Variants in EXOC6B observed in about 807,000 individuals in gnomAD.
The protein encoded by EXOC6B is SEC15 homolog B.
In EXOC6B, 54 loss-of-function variants were observed where a neutral mutation model predicts 113.5. That is an observed-to-expected ratio of 0.48 (90% CI 0.38 to 0.60). The LOEUF (loss-of-function observed/expected upper bound fraction) is 0.60, where lower values mean the gene tolerates loss of function less well. EXOC6B is among the 20% of genes least tolerant of loss of function. The pLI is 0.00. For missense variants in EXOC6B, 797 were observed against 977.5 expected, an observed-to-expected ratio of 0.82 and a Z score of 2.46; for synonymous variants, 357 against 339.0, an observed-to-expected ratio of 1.05 and a Z score of -0.58.
chr2:72,313,009 C>G (rs543569787), intron 20 of EXOC6B, among the ~76,000 whole-genome samples: 1 of 152,078 alleles, frequency 6.6e-6, no homozygotes, highest in Admixed American at 6.5e-5. Flanking sequence ...TAAATTGATG[C>G]CGATTTCTCA....
At chr2:72,528,368 T>C (rs999090282) in intron 8 of EXOC6B, among the ~76,000 whole-genome samples, 1 of 152,116 alleles carries the variant, frequency 6.6e-6, no homozygotes, top group South Asian at 2.1e-4. Flanking sequence ...AATCTATTCC[T>C]GGGTTCTCTA....
chr2:72,571,701 T>G (rs1242015490), intron 7 of EXOC6B, among the ~76,000 whole-genome samples: 2 of 152,182 alleles, frequency 1.3e-5, no homozygotes, highest in South Asian at 4.1e-4. Flanking sequence ...GTTTTTTCAT[T>G]CAAAATGACA....
intron 20 of EXOC6B, among the ~76,000 whole-genome samples, chr2:72,273,246 G>T (rs6719255): frequency 6.6e-6 from 1 of 151,928 alleles, no homozygotes; most frequent in East Asian, 1.9e-4. Flanking sequence ...CATCTATCTC[G>T]TTGGAAATTA....
chr2:72,785,370 T>G (rs1459990496), intron 1 of EXOC6B, among the ~76,000 whole-genome samples: 2 of 152,254 alleles, frequency 1.3e-5, no homozygotes, highest in Non-Finnish European at 2.9e-5. Context: ...AGTGCCCCAG[T>G]AGGGACTCTG....
At chr2:72,358,333 C>T (rs950750564) in intron 19 of EXOC6B, among the ~76,000 whole-genome samples, 2 of 152,014 alleles carry the variant, frequency 1.3e-5, no homozygotes, top group African/African-American at 4.8e-5. Flanking sequence ...CCTAGTCCAC[C>T]TTTCTCATTT....
At chr2:72,240,797 A>G (rs1039124848) in intron 20 of EXOC6B, among the ~76,000 whole-genome samples, 1 of 152,254 alleles carries the variant, frequency 6.6e-6, no homozygotes, top group Non-Finnish European at 1.5e-5. Context: ...CTATTCTAGC[A>G]TATAAGAGGC....
At chr2:72,517,976 T>C (rs62149336) in intron 8 of EXOC6B, among the ~76,000 whole-genome samples, 5,000 of 152,274 alleles carry the variant, frequency 0.033, 118 homozygotes, top group Non-Finnish European at 0.051. Flanking sequence ...TTTACAAAAA[T>C]GAGCTGGAGT....
chr2:72,460,576 A>G (rs1480379996), intron 18 of EXOC6B, among the ~76,000 whole-genome samples: 2 of 152,152 alleles, frequency 1.3e-5, no homozygotes, highest in Admixed American at 6.5e-5. Context: ...TCAAAAGAAG[A>G]CATTTATGCA....
At chr2:72,265,796 A>G (rs1684037970) in intron 20 of EXOC6B, among the ~76,000 whole-genome samples, 2 of 152,096 alleles carry the variant, frequency 1.3e-5, no homozygotes, top group South Asian at 2.1e-4. Context: ...GTCAAATGGT[A>G]TTTCTAGTTT....
intron 6 of EXOC6B, among the ~76,000 whole-genome samples, chr2:72,602,995 G>A (rs1050975437): frequency 1.3e-5 from 2 of 151,644 alleles, no homozygotes; most frequent in East Asian, 1.9e-4. Flanking sequence ...AGAGGAGGAT[G>A]AGAAGCAACA....
intron 6 of EXOC6B, among the ~76,000 whole-genome samples, chr2:72,597,665 A>C (rs2103976610): frequency 6.6e-6 from 1 of 151,984 alleles, no homozygotes; most frequent in East Asian, 1.9e-4. Context: ...GATAAAAAGA[A>C]AGACTCAGCT....
At chr2:72,662,702 G>A (rs1352173661) in intron 6 of EXOC6B, among the ~76,000 whole-genome samples, 1 of 151,954 alleles carries the variant, frequency 6.6e-6, no homozygotes, top group Non-Finnish European at 1.5e-5. Flanking sequence ...AGATATTGTT[G>A]GTGGAAATGC....
chr2:72,390,305 C>T (rs1477683184), intron 18 of EXOC6B, among the ~76,000 whole-genome samples: 1 of 151,900 alleles, frequency 6.6e-6, no homozygotes, highest in Non-Finnish European at 1.5e-5. Context: ...ATTTTATTAC[C>T]TTTAAATATT....
intron 19 of EXOC6B, among the ~76,000 whole-genome samples, chr2:72,369,624 A>G (rs1045588658): frequency 2.0e-5 from 3 of 152,222 alleles, no homozygotes; most frequent in Admixed American, 1.3e-4. Context: ...CTACAAGGCT[A>G]TAGTAACCAA....
intron 1 of EXOC6B, among the ~76,000 whole-genome samples, chr2:72,801,616 T>C (rs920190389): frequency 2.0e-5 from 3 of 152,170 alleles, no homozygotes; most frequent in African/African-American, 7.2e-5. Flanking sequence ...GTGCTTTCTG[T>C]AACATGAAAA....
rs530609328 is a variant in EXOC6B, at chr2:72,273,494, G to T, written c.2196+61453C>A. On this transcript the variant is annotated intron_variant, in intron 20 of 21. Transcript: ENST00000272427. ...ATGCTGCAACAAATCTTTGTGTAAG[G>T]TGTTCAAGAAGTATAGAGGGTGGGC... 3.9e-5 allele frequency among the ~76,000 whole-genome samples: 6 copies of T among 152,264 alleles called. No individual in the cohort carries two copies. In the South Asian group the frequency reaches 1.2e-3, roughly 32 times the overall value.
intron 20 of EXOC6B, among the ~76,000 whole-genome samples, chr2:72,192,293 C>CA (rs1194256081): frequency 6.6e-6 from 1 of 152,192 alleles, no homozygotes; most frequent in Non-Finnish European, 1.5e-5. Context: ...AGCAATGATA[C>CA]TGGCCAGATG....
chr2:72,723,772 C>A (rs1050580339), intron 5 of EXOC6B, among the ~76,000 whole-genome samples: 2 of 149,036 alleles, frequency 1.3e-5, no homozygotes, highest in Non-Finnish European at 3.0e-5. Context: ...CTTCTAGCTA[C>A]GAAAGCCTAA....
chr2:72,727,111 A>G (rs1314837565), intron 5 of EXOC6B, among the ~76,000 whole-genome samples: 1 of 152,190 alleles, frequency 6.6e-6, no homozygotes. Flanking sequence ...GAAAAATTGT[A>G]AAACAAAGAG....
Sources: allele counts gnomAD v4.1 joint callset (sites outside exome capture counted in the v4.1 genomes callset), GRCh38; gene constraint gnomAD v4.1.1; transcripts MANE v1.5; gene names NCBI Gene and HGNC (gene_info 2026-07-23, HGNC 2026-07-21).